The following KIAA0232 variants were observed in gnomAD, a reference collection of about 807,000 sequenced individuals.
KIAA0232 encodes uncharacterized protein KIAA0232.
In KIAA0232, 27 loss-of-function variants were observed where a neutral mutation model predicts 122.0. That is an observed-to-expected ratio of 0.22 (90% CI 0.16 to 0.31). KIAA0232 has a LOEUF of 0.31. Among genes scored for constraint, KIAA0232 ranks in the 10% least tolerant of loss-of-function variants. The pLI, the probability that KIAA0232 is intolerant of heterozygous loss-of-function variation, is 1.00. For synonymous variants in KIAA0232, 613 were observed against 587.6 expected, an observed-to-expected ratio of 1.04 and a Z score of -0.63; for missense variants, 1,551 against 1,634.2, an observed-to-expected ratio of 0.95 and a Z score of 0.88.
chr4:6,805,268 A>G (rs986802399), intron 2 of KIAA0232, among the ~76,000 whole-genome samples: 21 of 152,334 alleles, frequency 1.4e-4, no homozygotes, highest in African/African-American at 4.3e-4. Context: ...AGAAATGAAC[A>G]TATGTACTAC....
chr4:6,840,265 TC>T (rs1445124590), intron 3 of KIAA0232, among the ~76,000 whole-genome samples: 1 of 152,146 alleles, frequency 6.6e-6, no homozygotes, highest in Non-Finnish European at 1.5e-5. Flanking sequence ...GAGGTCATGT[TC>T]CCCGCATTCC....
chr4:6,787,302 C>T (rs368558741), intron 1 of KIAA0232, among the ~76,000 whole-genome samples: 25 of 151,428 alleles, frequency 1.7e-4, no homozygotes, highest in Middle Eastern at 3.4e-3. Context: ...AAAGCAATTG[C>T]GTTTGAGGGG....
chr4:6,824,926 G>T (rs1181593386), intron 3 of KIAA0232, among the ~76,000 whole-genome samples: 1 of 152,128 alleles, frequency 6.6e-6, no homozygotes, highest in African/African-American at 2.4e-5. Flanking sequence ...TTACGTTTTG[G>T]CATAGACTCC....
intron 2 of KIAA0232, among the ~76,000 whole-genome samples, chr4:6,822,750 A>G (rs899164763): frequency 3.9e-5 from 6 of 151,960 alleles, no homozygotes; most frequent in African/African-American, 1.2e-4. Flanking sequence ...ACCTAGGTAT[A>G]TAAGAAGACA....
At chr4:6,806,131 T>TA (rs1279138494) in intron 2 of KIAA0232, among the ~76,000 whole-genome samples, 1 of 152,154 alleles carries the variant, frequency 6.6e-6, no homozygotes, top group Admixed American at 6.5e-5. Flanking sequence ...CCCTGCTAGG[T>TA]AAAAAAGGCA....
chr4:6,869,581 C>T (rs1421570125), intron 7 of KIAA0232, among the ~76,000 whole-genome samples: 3 of 152,240 alleles, frequency 2.0e-5, no homozygotes, highest in Non-Finnish European at 4.4e-5. Flanking sequence ...ATCTGTTTAT[C>T]TAATAGCAGT....
rs555049334 is a variant in KIAA0232, at chr4:6,817,362, G to A, written c.-269-6823G>A. Among the ~76,000 whole-genome samples, 4 of 152,208 alleles carry A rather than the reference G, an allele frequency of 2.6e-5. No homozygotes were observed. The South Asian group carries it at 6.3e-4, about 24-fold the overall frequency. ...CTCCCAAGTAGCTGGGACTACAAGC[G>A]TCCGCCACCATGCCCGGCTAATTTT... On this transcript the variant is annotated intron_variant, in intron 2 of 9. Coordinates refer to ENST00000307659, the MANE Select transcript of KIAA0232 (RefSeq NM_014743.3).
intron 2 of KIAA0232, among the ~76,000 whole-genome samples, chr4:6,823,291 C>T (rs958549103): frequency 3.9e-5 from 6 of 152,024 alleles, no homozygotes; most frequent in Non-Finnish European, 8.8e-5. Flanking sequence ...TGGGTATATA[C>T]CCAGTAATGG....
intron 3 of KIAA0232, among the ~76,000 whole-genome samples, chr4:6,834,912 G>A (rs1719182316): frequency 6.6e-6 from 1 of 152,156 alleles, no homozygotes; most frequent in African/African-American, 2.4e-5. Context: ...TGGTAAGAGT[G>A]TTGTTGCCCA....
At chr4:6,838,283 G>T (rs1719452664) in intron 3 of KIAA0232, among the ~76,000 whole-genome samples, 1 of 151,702 alleles carries the variant, frequency 6.6e-6, no homozygotes, top group South Asian at 2.1e-4. Context: ...CCGCCTCCCA[G>T]GCTCAAGCAA....
chr4:6,785,982 G>T (rs1044356060), intron 1 of KIAA0232, among the ~76,000 whole-genome samples: 1 of 152,112 alleles, frequency 6.6e-6, no homozygotes. Context: ...CAAATATTCT[G>T]TTCTCTCTGG....
At chr4:6,783,075 A>G (rs1171459159) in intron 1 of KIAA0232, among the ~76,000 whole-genome samples, 3 of 149,238 alleles carry the variant, frequency 2.0e-5, no homozygotes, top group African/African-American at 7.5e-5. Context: ...GGCCAGCCTG[A>G]GGGAGACCGG....
Position 6,863,949 on chromosome 4 carries a change from G to A in KIAA0232, c.3567G>A (p.Gln1189=). ...AATCTGGGATGGAAAAGAGTGCTCA[G>A]ACATCACTGGATTCCCAGGAGGAAT... ...LKKSGMEKSA[Q]TSLDSQEEST... Residue 1189 remains glutamine (Q), a synonymous_variant, in exon 7 of 10, where the codon CAG becomes CAA. Coordinates refer to ENST00000307659, the MANE Select transcript of KIAA0232 (RefSeq NM_014743.3). 6.2e-7 allele frequency: 1 copy of A among 1,614,060 alleles called. No homozygotes were observed. The highest frequency in any genetic ancestry group is 2.2e-5 in the East Asian group (1 of 44,884).
chr4:6,881,812 A>G lies in KIAA0232; in HGVS notation c.*846A>G, dbSNP rs536149290. 12 of 152,598 alleles carry G rather than the reference A, an allele frequency of 7.9e-5. No individual in the cohort carries two copies. The highest frequency in any genetic ancestry group is 1.4e-4 in the African/African-American group (6 of 41,428). The allele number at this position is 152,598 out of a possible 1,614,324, so 9.5% of individuals were successfully genotyped here. ...ACAGATTGTTACTTTCTGGTGACCTATGTTGAATTGAAACCCCCAAAACTT... is the reference window on the plus strand; with the variant it reads ...ACAGATTGTTACTTTCTGGTGACCTGTGTTGAATTGAAACCCCCAAAACTT... On this transcript the variant is annotated 3_prime_UTR_variant, in exon 10 of 10. Transcript: ENST00000307659.
chr4:6,873,915 A>C (rs1192097803), intron 8 of KIAA0232, among the ~76,000 whole-genome samples: 1 of 152,138 alleles, frequency 6.6e-6, no homozygotes, highest in African/African-American at 2.4e-5. Context: ...GTAGTCACTT[A>C]CCTACTCAGC....
chr4:6,858,296 G>T (rs1720668546), intron 5 of KIAA0232, 129 bp from the exon 6 acceptor site: 3 of 583,836 alleles, frequency 5.1e-6, no homozygotes, highest in Non-Finnish European at 9.1e-6. Context: ...AAAAAGATCG[G>T]TATTGAGTTT....
chr4:6,835,214 A>G (rs1262998902), intron 3 of KIAA0232, among the ~76,000 whole-genome samples: 1 of 152,170 alleles, frequency 6.6e-6, no homozygotes, highest in African/African-American at 2.4e-5. Flanking sequence ...GGGTCCCTCA[A>G]AGCGAGTAGC....
In KIAA0232 at chr4:6,816,919, C is replaced by A. The variant is rs1718157230; in HGVS notation, c.-269-7266C>A. 2.0e-5 allele frequency among the ~76,000 whole-genome samples: 3 copies of A among 152,104 alleles called. No individual in the cohort carries two copies. The South Asian group carries it at 6.3e-4, about 32-fold the overall frequency. On this transcript the variant is annotated intron_variant, in intron 2 of 9. Coordinates refer to ENST00000307659, the MANE Select transcript of KIAA0232 (RefSeq NM_014743.3). The stretch of plus-strand genomic sequence containing the variant: ...ATATGCCTTATTCTCATTTTTATAC[C>A]TATAGAATCTGTAGTGATCTCACCT...
Position 6,863,251 on chromosome 4 carries a change from A to G in KIAA0232, c.2869A>G (p.Ser957Gly). The G allele has an allele frequency of 6.2e-7, 1 of 1,614,086 alleles. No individual in the cohort carries two copies. The highest frequency in any genetic ancestry group is 8.5e-7 in the Non-Finnish European group (1 of 1,180,032). Residue 957 changes from serine to glycine, a missense_variant, in exon 7 of 10, where the codon AGT becomes GGT. This residue lies in a region of KIAA0232 where 1,108 missense variants were observed against 1,154.8 expected (regional missense o/e 0.96). Coordinates refer to ENST00000307659, the MANE Select transcript of KIAA0232 (RefSeq NM_014743.3). ...AVVPPSHTKG[S>G]LLQCAASDVV... ...CGTACCACCTAGTCACACAAAAGGA[A>G]GTCTGTTACAGTGTGCAGCTTCTGA... is the stretch of plus-strand genomic sequence containing the variant.
Sources: allele counts gnomAD v4.1 joint callset (sites outside exome capture counted in the v4.1 genomes callset), GRCh38; gene constraint gnomAD v4.1.1; regional missense constraint gnomAD v4.1.1; transcripts MANE v1.5; gene names NCBI Gene and HGNC (gene_info 2026-07-23, HGNC 2026-07-21).